Variants in CCAR1 observed in about 807,000 individuals in gnomAD.
The protein encoded by CCAR1 is cell division cycle and apoptosis regulator 1, also known as cell division cycle and apoptosis regulator protein 1.
A neutral mutation model predicts 163.8 loss-of-function variants in CCAR1; 78 were observed. That is an observed-to-expected ratio of 0.48 (90% confidence interval 0.40 to 0.57). The LOEUF (loss-of-function observed/expected upper bound fraction) is 0.57, where lower values mean the gene tolerates loss of function less well. CCAR1 is among the 20% of genes least tolerant of loss of function. The pLI is 0.00. For missense variants in CCAR1, 1,019 were observed against 1,365.2 expected (o/e 0.75, Z 4.00); for synonymous variants, 443 against 460.7 (o/e 0.96, Z 0.49).
chr10:68,749,010 G>T, intron 8 of CCAR1, 126 bp from the exon 9 acceptor site: 1 of 1,068,692 alleles, frequency 9.4e-7, no homozygotes. Flanking sequence ...ATATAAATTA[G>T]GCCAACTTTG....
chr10:68,760,437 A>G (rs771293086), intron 15 of CCAR1, among the ~76,000 whole-genome samples: 2 of 152,192 alleles, frequency 1.3e-5, no homozygotes, highest in Non-Finnish European at 2.9e-5. Flanking sequence ...CAGAAATTAG[A>G]ACTTCTGGGT....
intron 19 of CCAR1, among the ~76,000 whole-genome samples, chr10:68,773,390 T>C (rs940928885): frequency 2.0e-5 from 3 of 151,996 alleles, no homozygotes; most frequent in African/African-American, 7.3e-5. Flanking sequence ...AGGACAGGCA[T>C]GGGGGCTCAC....
chr10:68,722,485 GT>G lies in CCAR1; in HGVS notation c.-12del. ...TGCTATAGAAGACAAACAAGGGAAG[GT>G]TTTTTTTCCTTTTGCATCATGGCTC... On this transcript the variant is annotated 5_prime_UTR_variant, in exon 2 of 25. Coordinates refer to ENST00000265872, the MANE Select transcript of CCAR1 (RefSeq NM_018237.4). The G allele has an allele frequency of 2.5e-6, 4 of 1,605,192 alleles. No individual in the cohort carries two copies. Among genetic ancestry groups the G allele is most frequent in the South Asian group, 1.1e-5 (1 of 90,858 alleles).
chr10:68,767,807 T>G (rs1397504662), intron 17 of CCAR1, among the ~76,000 whole-genome samples: 1 of 152,198 alleles, frequency 6.6e-6, no homozygotes, highest in Non-Finnish European at 1.5e-5. Flanking sequence ...GCATGAGCCA[T>G]TTCACCTAGC....
rs756119233 is a variant in CCAR1 at position 68,749,553 on chromosome 10, C to T, written c.986C>T (p.Ser329Leu). The change falls in exon 10 of 25, where the codon TCG (serine) becomes TTG (leucine). Residue 329 changes from serine (S) to leucine (L), a missense_variant. Coordinates refer to ENST00000265872, the MANE Select transcript of CCAR1 (RefSeq NM_018237.4). Reference sequence around the variant, plus strand: ...GAGAGAGAGAGAGAAAGACGTAGATCGAGAGAAAGATCACCTCAGAGGAAA... The same window carrying T: ...GAGAGAGAGAGAGAAAGACGTAGATTGAGAGAAAGATCACCTCAGAGGAAA... ...SRERERERRR[S>L]RERSPQRKRS... 2 of 1,613,488 alleles carry T rather than the reference C, an allele frequency of 1.2e-6. No individual in the cohort carries two copies. The highest frequency in any genetic ancestry group is 1.3e-5 in the African/African-American group (1 of 74,940).
intron 8 of CCAR1, among the ~76,000 whole-genome samples, 169 bp from the exon 9 acceptor site, chr10:68,748,967 C>T (rs1465121962): frequency 2.0e-5 from 3 of 152,090 alleles, no homozygotes; most frequent in African/African-American, 4.8e-5. Context: ...TGTGAGCCAC[C>T]GCAGCCGGCC....
intron 3 of CCAR1, 33 bp downstream of exon 3, chr10:68,737,081 A>G (rs2056121238): frequency 6.6e-7 from 1 of 1,522,620 alleles, no homozygotes; most frequent in Non-Finnish European, 9.0e-7. Context: ...TATTTGATGT[A>G]GAAAACTTTA....
chr10:68,723,388 C>T (rs2055889885), intron 2 of CCAR1, among the ~76,000 whole-genome samples: 1 of 150,938 alleles, frequency 6.6e-6, no homozygotes, highest in Admixed American at 6.6e-5. Flanking sequence ...CTCGGCCTCC[C>T]GAAGTGCTGG....
intron 14 of CCAR1, 137 bp from the exon 15 acceptor site, chr10:68,757,157 G>C (rs527377752): frequency 3.4e-5 from 19 of 562,512 alleles, no homozygotes; most frequent in Non-Finnish European, 5.6e-5. Flanking sequence ...ACGTGGACTT[G>C]CCTAAATAAT....
Position 68,788,870 on chromosome 10 carries a change from G to A in CCAR1, c.3187+542G>A, listed in dbSNP as rs2056823466. ...CTTAGGTCTTCCTGTGTATTCTCAG[G>A]TTCATTGTTACCTGTTGCATCCTTT... On this transcript the variant is annotated intron_variant, in intron 23 of 24. Coordinates refer to ENST00000265872, the MANE Select transcript of CCAR1 (RefSeq NM_018237.4). Among the ~76,000 whole-genome samples, 2 of 151,294 alleles carry A rather than the reference G, an allele frequency of 1.3e-5. 1 individual carries two copies. The highest frequency in any genetic ancestry group is 4.2e-4 in the South Asian group (2 of 4,792).
At chr10:68,749,314 A>G (rs778835848) in intron 9 of CCAR1, 49 bp downstream of exon 9, 39 of 1,528,156 alleles carry the variant, frequency 2.6e-5, no homozygotes, top group Middle Eastern at 1.8e-4. Context: ...TTGTACAACA[A>G]TGGAAACATA....
At chr10:68,772,016 G>A (rs547045772) in intron 18 of CCAR1, among the ~76,000 whole-genome samples, 3 of 151,886 alleles carry the variant, frequency 2.0e-5, no homozygotes, top group South Asian at 2.1e-4. Flanking sequence ...GACTACAGGT[G>A]CACACCACCT....
intron 2 of CCAR1, among the ~76,000 whole-genome samples, chr10:68,724,242 C>A (rs189164911): frequency 7.0e-4 from 107 of 152,182 alleles, no homozygotes; most frequent in Middle Eastern, 6.8e-3. Flanking sequence ...GTGGGCAGAT[C>A]ACCTGAGGTC....
intron 16 of CCAR1, among the ~76,000 whole-genome samples, chr10:68,764,075 C>T (rs2056507442): frequency 6.6e-6 from 1 of 152,164 alleles, no homozygotes; most frequent in Non-Finnish European, 1.5e-5. Flanking sequence ...CTAACACTTA[C>T]AAATATTTAA....
chr10:68,783,632 G>A (rs557182666), intron 19 of CCAR1, among the ~76,000 whole-genome samples: 1 of 152,200 alleles, frequency 6.6e-6, no homozygotes, highest in South Asian at 2.1e-4. Context: ...GACTTTGAAG[G>A]GTTCAATAAT....
intron 2 of CCAR1, among the ~76,000 whole-genome samples, chr10:68,725,984 A>C (rs914503140): frequency 5.9e-5 from 9 of 151,916 alleles, no homozygotes; most frequent in Non-Finnish European, 1.2e-4. Context: ...GTGGTAGAGC[A>C]CGCCTGTAGT....
chr10:68,747,493 G>T lies in CCAR1; in HGVS notation c.753G>T (p.Gln251His). 2 of 1,614,188 alleles carry T rather than the reference G, an allele frequency of 1.2e-6. No individual in the cohort carries two copies. Among genetic ancestry groups the T allele is most frequent in the Non-Finnish European group, 1.7e-6 (2 of 1,180,032 alleles). The change falls in exon 8 of 25, where the codon CAG becomes CAT. Residue 251 changes from glutamine (Q) to histidine (H), a missense_variant. Physicochemically the swap from Gln to His is conservative, Grantham distance 24 (BLOSUM62 0). Transcript: ENST00000265872. The part of the protein sequence containing the change: ...QPQPQSLLQA[Q>H]ISAASITPLL... The stretch of plus-strand genomic sequence containing the variant: ...AGCCCCAGTCACTGCTGCAGGCACA[G>T]ATTTCAGCAGCTTCTATTACACCAC...
intron 6 of CCAR1, among the ~76,000 whole-genome samples, chr10:68,743,674 C>G (rs1328601822): frequency 1.3e-5 from 2 of 151,824 alleles, no homozygotes; most frequent in African/African-American, 4.8e-5. Flanking sequence ...TCCCAAGTAG[C>G]AGGGACAACA....
At position 68,754,812 on chromosome 10, in the gene CCAR1, T is replaced by A; in HGVS notation, c.1443T>A (p.Pro481=). The A allele has an allele frequency of 4.4e-6, 7 of 1,585,034 alleles. No individual in the cohort carries two copies. The highest frequency in any genetic ancestry group is 6.1e-6 in the Non-Finnish European group (7 of 1,153,700). The change falls in exon 12 of 25, where the codon CCT becomes CCA. Residue 481 remains proline (P), a synonymous_variant. Coordinates refer to ENST00000265872, the MANE Select transcript of CCAR1 (RefSeq NM_018237.4). ...AACTTCGAGATGGATTCCAACATCCTGCTAGACTTGTTAAGGTAAAAGGAC... is the reference window on the plus strand; with the variant it reads ...AACTTCGAGATGGATTCCAACATCCAGCTAGACTTGTTAAGGTAAAAGGAC... ...PQELRDGFQH[P]ARLVKFLVGM...
Sources: gnomAD v4.1 joint callset for allele counts (sites outside exome capture counted in the v4.1 genomes callset) on GRCh38, gnomAD v4.1.1 for gene constraint, MANE v1.5 for transcripts, NCBI Gene and HGNC (gene_info 2026-07-23, HGNC 2026-07-21) for gene names.